The following PDE11A variants were observed in gnomAD, a reference collection of about 807,000 sequenced individuals.
The protein encoded by PDE11A is dual 3',5'-cyclic-AMP and -GMP phosphodiesterase 11A.
A neutral mutation model predicts 100.5 loss-of-function variants in PDE11A; 100 were observed. That is an observed-to-expected ratio of 1.00 (90% confidence interval 0.85 to 1.18). PDE11A has a LOEUF of 1.18. PDE11A is among the 50% of genes most tolerant of loss of function. PDE11A has a pLI of 0.00. For synonymous variants in PDE11A, 381 were observed against 420.8 expected, an observed-to-expected ratio of 0.91 and a Z score of 1.16; for missense variants, 1,141 against 1,152.6, an observed-to-expected ratio of 0.99 and a Z score of 0.15.
intron 9 of PDE11A, among the ~76,000 whole-genome samples, chr2:177,800,903 G>A (rs2082783621): frequency 6.6e-6 from 1 of 152,164 alleles, no homozygotes; most frequent in Admixed American, 6.6e-5. Context: ...AAGAGCTCAG[G>A]GGCAACCCCA....
At chr2:178,036,614 T>C (rs1459134291) in intron 1 of PDE11A, among the ~76,000 whole-genome samples, 1 of 152,146 alleles carries the variant, frequency 6.6e-6, no homozygotes, top group Non-Finnish European at 1.5e-5. Context: ...GCTACCTGAC[T>C]TTAAACTATA....
At chr2:177,829,610 A>ATTT (rs71410764) in intron 6 of PDE11A, among the ~76,000 whole-genome samples, 33,048 of 141,496 alleles carry the variant, frequency 0.23, 4,195 homozygotes, top group African/African-American at 0.26. Context: ...CTCCTGGCTA[A>ATTT]TTTTTTTTTT....
chr2:177,649,288 G>T (rs533631635), intron 19 of PDE11A, among the ~76,000 whole-genome samples: 218 of 152,180 alleles, frequency 1.4e-3, no homozygotes, highest in African/African-American at 5.1e-3. Flanking sequence ...TAAAAATAAA[G>T]TATGAAAATT....
chr2:178,019,229 A>G (rs571159829), intron 1 of PDE11A, among the ~76,000 whole-genome samples: 62 of 152,344 alleles, frequency 4.1e-4, no homozygotes, highest in Admixed American at 1.1e-3. Flanking sequence ...CTGATATCTC[A>G]CACTACTAAT....
intron 9 of PDE11A, among the ~76,000 whole-genome samples, chr2:177,795,935 C>CTATACATA (rs71410761): frequency 1.5e-5 from 1 of 67,244 alleles, no homozygotes; most frequent in Non-Finnish European, 3.6e-5. Flanking sequence ...TTTGTTTAAA[C>CTATACATA]TATATATATA....
In PDE11A at chr2:177,947,540, TGCTTTGTTAAACAG is replaced by T. The variant is rs565792105; in HGVS notation, c.1072-42367_1072-42354del. 9.8e-4 allele frequency among the ~76,000 whole-genome samples: 149 copies of T among 152,218 alleles called. 1 individual carries two copies. The highest frequency in any genetic ancestry group is 3.4e-3 in the African/African-American group (140 of 41,558). On this transcript the variant is annotated intron_variant, in intron 2 of 19. Coordinates refer to ENST00000286063, the MANE Select transcript of PDE11A (RefSeq NM_016953.4). ...AATGGATTAAGGGCGGTGCAAGATGTGCTTTGTTAAACAGATGCTTGAAGGCAGCATGCTCGTTA... is the reference window on the plus strand; with the variant it reads ...AATGGATTAAGGGCGGTGCAAGATGTATGCTTGAAGGCAGCATGCTCGTTA...
chr2:177,911,615 G>A (rs929691263), intron 2 of PDE11A, among the ~76,000 whole-genome samples: 7 of 152,188 alleles, frequency 4.6e-5, no homozygotes, highest in African/African-American at 1.7e-4. Context: ...CAGGCGCGGT[G>A]GCTTATGCCT....
intron 13 of PDE11A, among the ~76,000 whole-genome samples, chr2:177,703,889 G>A (rs984862492): frequency 2.6e-5 from 4 of 152,168 alleles, no homozygotes; most frequent in African/African-American, 7.2e-5. Context: ...ATATGTCTCC[G>A]ATCTGGTGTG....
chr2:178,018,744 C>T (rs1031171324), intron 1 of PDE11A, among the ~76,000 whole-genome samples: 1 of 152,168 alleles, frequency 6.6e-6, no homozygotes, highest in Non-Finnish European at 1.5e-5. Flanking sequence ...CACAGGGTCT[C>T]ACTACATTGC....
At chr2:177,916,927 A>ATTTTTTTTTTTT (rs1183483256) in intron 2 of PDE11A, among the ~76,000 whole-genome samples, 451 of 105,214 alleles carry the variant, frequency 4.3e-3, no homozygotes, top group African/African-American at 6.5e-3. Flanking sequence ...CGCCCGGCTA[A>ATTTTTTTTTTTT]TTTTTTTTTT....
chr2:178,027,326 G>C (rs945337500), intron 1 of PDE11A, among the ~76,000 whole-genome samples: 1 of 152,210 alleles, frequency 6.6e-6, no homozygotes, highest in African/African-American at 2.4e-5. Flanking sequence ...ATTATGACAT[G>C]AGAAAGTTAC....
At chr2:177,881,861 G>A (rs1004189279) in intron 4 of PDE11A, among the ~76,000 whole-genome samples, 16 of 152,204 alleles carry the variant, frequency 1.1e-4, no homozygotes, top group Non-Finnish European at 7.3e-5. Context: ...ATTTTTAAAA[G>A]TTTGCCAACT....
intron 12 of PDE11A, among the ~76,000 whole-genome samples, chr2:177,712,659 C>G (rs2081373660): frequency 1.3e-5 from 2 of 152,186 alleles, no homozygotes; most frequent in Admixed American, 6.5e-5. Flanking sequence ...ATGTAATCAA[C>G]AGCAGCAATG....
rs2087146440 is a variant in PDE11A, at chr2:178,072,372, A to G, written c.66T>C (p.Phe22=). The G allele has an allele frequency of 6.2e-7, 1 of 1,613,872 alleles. No homozygotes were observed. Residue 22 remains phenylalanine, a synonymous_variant, in exon 1 of 20, where the codon TTT becomes TTC. Transcript: ENST00000286063. ...ETFLDRHPEL[F]EDYLMRKGKQ... is the part of the protein sequence containing the mutation. ...TCCCCTTCCGCATCAAGTAATCTTCAAACAACTCTGGGTGCCTGTCCAGGA... is the reference window on the plus strand; with the variant it reads ...TCCCCTTCCGCATCAAGTAATCTTCGAACAACTCTGGGTGCCTGTCCAGGA...
chr2:177,928,167 A>G (rs1300646269), intron 2 of PDE11A, among the ~76,000 whole-genome samples: 5 of 151,894 alleles, frequency 3.3e-5, no homozygotes, highest in African/African-American at 1.2e-4. Flanking sequence ...AATCTCATCT[A>G]ATGAATACTC....
intron 12 of PDE11A, among the ~76,000 whole-genome samples, chr2:177,721,709 G>A (rs1275772694): frequency 6.6e-6 from 1 of 151,988 alleles, no homozygotes; most frequent in African/African-American, 2.4e-5. Context: ...CCAGTGAACT[G>A]CATATAATAT....
intron 2 of PDE11A, among the ~76,000 whole-genome samples, chr2:177,987,233 A>G (rs2085951360): frequency 6.6e-6 from 1 of 152,136 alleles, no homozygotes; most frequent in Admixed American, 6.6e-5. Context: ...CTAACCCTTA[A>G]GGGGATGAAG....
intron 15 of PDE11A, among the ~76,000 whole-genome samples, chr2:177,686,277 A>G (rs1367006459): frequency 6.6e-6 from 1 of 152,178 alleles, no homozygotes; most frequent in Admixed American, 6.5e-5. Flanking sequence ...GTCAAGAAAA[A>G]CATGAGAGGC....
At chr2:177,993,842 T>C (rs1471330270) in intron 2 of PDE11A, among the ~76,000 whole-genome samples, 2 of 151,978 alleles carry the variant, frequency 1.3e-5, no homozygotes, top group Non-Finnish European at 2.9e-5. Flanking sequence ...AAGAAAAAAA[T>C]TTAACAATTC....
Sources: allele counts gnomAD v4.1 joint callset (sites outside exome capture counted in the v4.1 genomes callset), GRCh38; gene constraint gnomAD v4.1.1; transcripts MANE v1.5; gene names NCBI Gene and HGNC (gene_info 2026-07-23, HGNC 2026-07-21).